PSMD1: variants seen among roughly 807,000 people sequenced by gnomAD.
PSMD1 encodes 26S proteasome non-ATPase regulatory subunit 1.
Under a neutral mutation model 119.0 loss-of-function variants are expected in PSMD1, and 18 were observed. That is an observed-to-expected ratio of 0.15 (90% CI 0.10 to 0.22). The LOEUF (loss-of-function observed/expected upper bound fraction) is 0.22, where lower values mean the gene tolerates loss of function less well. Among genes scored for constraint, PSMD1 ranks in the 10% least tolerant of loss-of-function variants. The probability of loss-of-function intolerance (pLI) is 1.00; values close to 1 mark genes in which losing one functional copy is unlikely to be tolerated. For synonymous variants in PSMD1, 374 were observed against 396.6 expected, an observed-to-expected ratio of 0.94 and a Z score of 0.68; for missense variants, 702 against 1,158.5, an observed-to-expected ratio of 0.61 and a Z score of 5.72.
chr2:231,082,886 G>A lies in PSMD1; in HGVS notation c.1417G>A (p.Val473Ile), dbSNP rs1368266339. ...GGAATCTATGTTTTTTCCTTAGATC[G>A]TTAGACACGGTGGCAGTCTGGGCCT... Reference protein sequence around the residue: ...NQLKNASNDIVRHGGSLGLGL... With the variant: ...NQLKNASNDIIRHGGSLGLGL... Residue 473 changes from valine (V) to isoleucine (I), a missense_variant, in exon 13 of 25, where the codon GTT (valine) becomes ATT (isoleucine). Physicochemically the swap from Val to Ile is conservative, Grantham distance 29. Around this residue, in one of 9 missense-constraint regions of PSMD1, gnomAD observed 272 missense variants for 511.6 expected, o/e 0.53. Coordinates refer to ENST00000308696, the MANE Select transcript of PSMD1 (RefSeq NM_002807.4). 4.3e-6 allele frequency: 7 copies of A among 1,611,996 alleles called. No homozygotes were observed. The highest frequency in any genetic ancestry group is 1.7e-5 in the Admixed American group (1 of 59,856).
Position 231,083,606 on chromosome 2 carries a change from G to A in PSMD1, c.1565G>A (p.Gly522Asp). Residue 522 changes from glycine (G) to aspartate (D), a missense_variant, in exon 14 of 25, where the codon GGC becomes GAC. Physicochemically the swap from Gly to Asp is moderately conservative, Grantham distance 94 (BLOSUM62 -1). Coordinates refer to ENST00000308696, the MANE Select transcript of PSMD1 (RefSeq NM_002807.4). ...CTGGCCCTAGGTTTGGTTATGTTGG[G>A]CTCTAAAAATGCTCAGGCTATTGAG... ...AGLALGLVML[G>D]SKNAQAIEDM... The A allele has an allele frequency of 6.2e-7, 1 of 1,614,166 alleles. No homozygotes were observed. The highest frequency in any genetic ancestry group is 8.5e-7 in the Non-Finnish European group (1 of 1,180,026).
chr2:231,164,609 A>G (rs1001656128), intron 21 of PSMD1, among the ~76,000 whole-genome samples: 2 of 152,036 alleles, frequency 1.3e-5, no homozygotes, highest in East Asian at 3.9e-4. Context: ...TTCATCAGCT[A>G]TGTTTCAGAC....
At position 231,101,230 on chromosome 2, in the gene PSMD1, G is replaced by A. The variant is rs535915398; in HGVS notation, c.1883+14049G>A. Among the ~76,000 whole-genome samples, 368 of 152,256 alleles carry A rather than the reference G, an allele frequency of 2.4e-3. 1 individual carries two copies. The highest frequency in any genetic ancestry group is 3.1e-3 in the Non-Finnish European group (208 of 68,012). On this transcript the variant is annotated intron_variant, in intron 16 of 24. Transcript: ENST00000308696. ...ATCAAAGGTTAGTGTCTGGAGACAGGAATAAACAAATTTATCTAGATAAGT... is the reference window on the plus strand; with the variant it reads ...ATCAAAGGTTAGTGTCTGGAGACAGAAATAAACAAATTTATCTAGATAAGT...
At chr2:231,115,792 T>C (rs1695311129) in intron 16 of PSMD1, among the ~76,000 whole-genome samples, 1 of 152,152 alleles carries the variant, frequency 6.6e-6, no homozygotes, top group Non-Finnish European at 1.5e-5. Context: ...CAGAGTTTGC[T>C]CTTAAGATGG....
At chr2:231,139,844 A>T (rs906966793) in intron 17 of PSMD1, among the ~76,000 whole-genome samples, 2 of 152,192 alleles carry the variant, frequency 1.3e-5, no homozygotes, top group African/African-American at 2.4e-5. Flanking sequence ...AAAGAGTTGA[A>T]TGGGGTAAGG....
chr2:231,144,059 T>A (rs774381384), intron 17 of PSMD1, among the ~76,000 whole-genome samples: 9 of 152,174 alleles, frequency 5.9e-5, no homozygotes, highest in Non-Finnish European at 1.2e-4. Flanking sequence ...GATGTTACCT[T>A]ACTCTAATAT....
At chr2:231,109,165 T>C (rs1333328081) in intron 16 of PSMD1, 1 of 1,614,214 alleles carries the variant, frequency 6.2e-7, no homozygotes, top group South Asian at 1.1e-5. Flanking sequence ...TTTGGAAAAC[T>C]GTAGACACAG....
At chr2:231,117,441 A>G (rs1048987222) in intron 16 of PSMD1, among the ~76,000 whole-genome samples, 46 of 151,998 alleles carry the variant, frequency 3.0e-4, no homozygotes, top group African/African-American at 1.0e-3. Flanking sequence ...TCTAAATTAG[A>G]CTCTTTCATT....
chr2:231,165,409 C>T, intron 22 of PSMD1, 123 bp downstream of exon 22: 2 of 1,192,318 alleles, frequency 1.7e-6, no homozygotes, highest in Non-Finnish European at 2.2e-6. Flanking sequence ...TATCCTGTTG[C>T]CAGCATGTAG....
rs77918850 is a variant in PSMD1, at chr2:231,076,162, A to G, written c.942+591A>G. Among the ~76,000 whole-genome samples, 792 of 152,296 alleles carry G rather than the reference A, an allele frequency of 5.2e-3. 51 individuals are homozygous for G. In the East Asian group the frequency reaches 0.13, roughly 25 times the overall value. On this transcript the variant is annotated intron_variant, in intron 8 of 24. Coordinates refer to ENST00000308696, the MANE Select transcript of PSMD1 (RefSeq NM_002807.4). ...GAAATAACTTCAAATTACCTATCAC[A>G]GGGTGAAAAAAAGGTATGGTCTCTA...
chr2:231,135,105 T>A (rs994841070), intron 16 of PSMD1, among the ~76,000 whole-genome samples: 2 of 152,088 alleles, frequency 1.3e-5, no homozygotes, highest in African/African-American at 4.8e-5. Flanking sequence ...CTTGAGTGAG[T>A]TTGTTAGATG....
intron 16 of PSMD1, among the ~76,000 whole-genome samples, chr2:231,102,382 C>G (rs1454260677): frequency 1.3e-5 from 2 of 152,192 alleles, no homozygotes; most frequent in African/African-American, 4.8e-5. Flanking sequence ...GACCCCACAA[C>G]TCTTACACTG....
At position 231,079,694 on chromosome 2, in the gene PSMD1, A is replaced by G. The variant is rs558549262; in HGVS notation, c.1239+80A>G. On this transcript the variant is annotated intron_variant, in intron 11 of 24. Coordinates refer to ENST00000308696, the MANE Select transcript of PSMD1 (RefSeq NM_002807.4). Reference sequence around the variant, plus strand: ...GGTTAAGAAAAAATAACAGTTTATTATAATTCATTAACAAGTACACTTTGT... The same window carrying G: ...GGTTAAGAAAAAATAACAGTTTATTGTAATTCATTAACAAGTACACTTTGT... 2.1e-4 allele frequency: 186 copies of G among 883,508 alleles called. 2 individuals carry two copies. In the South Asian group the frequency reaches 3.8e-3, roughly 18 times the overall value. 54.7% of individuals were successfully genotyped at this position (883,508 alleles called of 1,614,324 possible).
intron 12 of PSMD1, among the ~76,000 whole-genome samples, chr2:231,082,434 TG>T (rs1297242290): frequency 6.6e-6 from 1 of 152,194 alleles, no homozygotes; most frequent in African/African-American, 2.4e-5. Flanking sequence ...CTGGACACGG[TG>T]GCTCACACCT....
intron 18 of PSMD1, among the ~76,000 whole-genome samples, chr2:231,152,105 C>T (rs1696389599): frequency 6.6e-6 from 1 of 152,014 alleles, no homozygotes; most frequent in Non-Finnish European, 1.5e-5. Context: ...CATGACCCAC[C>T]TCACCCGGCC....
intron 19 of PSMD1, among the ~76,000 whole-genome samples, chr2:231,154,428 G>T (rs978272965): frequency 4.6e-5 from 7 of 152,064 alleles, no homozygotes; most frequent in Non-Finnish European, 1.0e-4. Context: ...TGACAGTGGT[G>T]ACAGTGCCTG....
chr2:231,156,431 TG>T (rs1696507634), intron 19 of PSMD1, among the ~76,000 whole-genome samples: 1 of 152,126 alleles, frequency 6.6e-6, no homozygotes, highest in Non-Finnish European at 1.5e-5. Context: ...TTTAATGACA[TG>T]TGTCTACCAT....
intron 16 of PSMD1, among the ~76,000 whole-genome samples, chr2:231,093,426 C>T (rs182873718): frequency 3.3e-5 from 5 of 152,244 alleles, no homozygotes; most frequent in Admixed American, 1.3e-4. Flanking sequence ...TAGGAAGCCG[C>T]GTCGTCCGGG....
At chr2:231,113,321 T>C (rs1695221371) in intron 16 of PSMD1, among the ~76,000 whole-genome samples, 1 of 152,212 alleles carries the variant, frequency 6.6e-6, no homozygotes, top group Admixed American at 6.5e-5. Context: ...GTTTTTTCTC[T>C]TATTAATCTT....
Sources: allele counts gnomAD v4.1 joint callset (sites outside exome capture counted in the v4.1 genomes callset), GRCh38; gene constraint gnomAD v4.1.1; regional missense constraint gnomAD v4.1.1; transcripts MANE v1.5; gene names NCBI Gene and HGNC (gene_info 2026-07-23, HGNC 2026-07-21).